The following SLC25A26 variants were observed in gnomAD, a reference collection of about 807,000 sequenced individuals.
SLC25A26 encodes the protein mitochondrial S-adenosylmethionine carrier protein.
In SLC25A26, 36 loss-of-function variants were observed where a neutral mutation model predicts 37.8. The observed-to-expected ratio is 0.95, with a 90% CI of 0.73 to 1.26. The LOEUF is 1.26. SLC25A26 is among the 50% of genes most tolerant of loss of function. SLC25A26 has a pLI of 0.00. For missense variants in SLC25A26, 390 were observed against 331.1 expected, an observed-to-expected ratio of 1.18 and a Z score of -1.38; for synonymous variants, 129 against 122.5, an observed-to-expected ratio of 1.05 and a Z score of -0.35.
At position 66,209,090 on chromosome 3, in the gene SLC25A26, G is replaced by GTA. The variant is rs1212142217; in HGVS notation, c.-353-11629_-353-11628dup. Among the ~76,000 whole-genome samples the GTA allele has an allele frequency of 1.5e-3, 70 of 46,364 alleles. 1 individual carries two copies. Among genetic ancestry groups the GTA allele is most frequent in the African/African-American group, 3.8e-3 (57 of 15,104 alleles). 30.4% of individuals were successfully genotyped at this position (46,364 alleles called of 152,430 possible). A position where few individuals can be genotyped will look rare whatever the true frequency, so the allele number is the denominator to read the frequency against. On this transcript the variant is annotated intron_variant, in intron 1 of 10. Coordinates refer to the SLC25A26 transcript ENST00000676754. ...TACACACACACACCCATATAAAGAT[G>GTA]TATATATATATATATATATATATAC...
chr3:66,377,892 T>C lies in SLC25A26; in HGVS notation c.*85T>C. The C allele has an allele frequency of 2.0e-6, 2 of 1,022,050 alleles. No individual in the cohort carries two copies. The highest frequency in any genetic ancestry group is 3.1e-6 in the Non-Finnish European group (2 of 655,250). 63.3% of individuals were successfully genotyped at this position (1,022,050 alleles called of 1,614,324 possible). ...TTCCGCTGAGCAGCTGTCTGAACTA[T>C]AGGCCCCAGTGCTGAAGACCAGTTG... On this transcript the variant is annotated 3_prime_UTR_variant, in exon 10 of 10. Coordinates refer to ENST00000354883, the MANE Select transcript of SLC25A26 (RefSeq NM_001379210.1).
At chr3:66,148,420 G>A (rs2070151256) in intron 1 of SLC25A26, among the ~76,000 whole-genome samples, 1 of 152,208 alleles carries the variant, frequency 6.6e-6, no homozygotes, top group Non-Finnish European at 1.5e-5. Context: ...CCTGGGGAAA[G>A]CTTGGGGCTG....
chr3:66,149,239 A>G (rs1193239572), intron 1 of SLC25A26, among the ~76,000 whole-genome samples: 1 of 152,078 alleles, frequency 6.6e-6, no homozygotes, highest in Non-Finnish European at 1.5e-5. Context: ...TTAAGTCTGG[A>G]GCTTTCAGGA....
chr3:66,263,335 AT>A lies in SLC25A26; in HGVS notation c.410del (p.Ile137ThrfsTer13). On this transcript the variant is annotated frameshift_variant, in exon 5 of 10. Transcript: ENST00000354883. LOFTEE classifies it high-confidence loss of function. ...CTCGGCTGTGTGTTTGTTTCAGGGT[AT>A]CCAAGGGTTGTATCGAGGCTATAAA... ...IFSNILYEEG[I>X]QGLYRGYKST... 1.9e-6 allele frequency: 3 copies of A among 1,612,010 alleles called. No homozygotes were observed. Among genetic ancestry groups the A allele is most frequent in the Non-Finnish European group, 2.5e-6 (3 of 1,178,636 alleles).
intron 5 of SLC25A26, among the ~76,000 whole-genome samples, chr3:66,316,146 A>G (rs1427877707): frequency 6.6e-6 from 1 of 152,086 alleles, no homozygotes; most frequent in African/African-American, 2.4e-5. Flanking sequence ...TGTGAATTTG[A>G]TTGTTTCATC....
At chr3:66,352,377 C>T (rs923838550) in intron 6 of SLC25A26, among the ~76,000 whole-genome samples, 4 of 151,852 alleles carry the variant, frequency 2.6e-5, no homozygotes, top group East Asian at 3.9e-4. Context: ...CCGCTGTGCC[C>T]GGCCACGTTG....
chr3:66,148,448 A>G (rs887847220), intron 1 of SLC25A26, among the ~76,000 whole-genome samples: 1 of 152,158 alleles, frequency 6.6e-6, no homozygotes, highest in Admixed American at 6.5e-5. Flanking sequence ...CATGGCGAGG[A>G]TGGAGGGCTG....
At chr3:66,278,922 A>C (rs1576780050) in intron 5 of SLC25A26, among the ~76,000 whole-genome samples, 1 of 152,134 alleles carries the variant, frequency 6.6e-6, no homozygotes, top group Admixed American at 6.5e-5. Context: ...AAAGTGGAGT[A>C]CCGGTGAACT....
chr3:66,307,884 G>A (rs1220495741), intron 5 of SLC25A26, among the ~76,000 whole-genome samples: 1 of 152,180 alleles, frequency 6.6e-6, no homozygotes, highest in Non-Finnish European at 1.5e-5. Flanking sequence ...CCAGTACCCT[G>A]CTGTTTAGGG....
At position 66,280,976 on chromosome 3, in the gene SLC25A26, G is replaced by A. The variant is rs1373236796; in HGVS notation, c.453+17597G>A. On this transcript the variant is annotated intron_variant, in intron 5 of 9. Transcript: ENST00000354883. ...CTAATATGTGGTCAATTTCCCTGAT[G>A]TCCCAGTGATAAAAGCCTTACAGCT... 2.0e-5 allele frequency among the ~76,000 whole-genome samples: 3 copies of A among 152,166 alleles called. No homozygotes were observed. The South Asian group carries it at 6.2e-4, about 32-fold the overall frequency.
chr3:66,335,009 T>C (rs566681345), intron 5 of SLC25A26, among the ~76,000 whole-genome samples: 9 of 152,266 alleles, frequency 5.9e-5, no homozygotes. Flanking sequence ...TTGGCTGATA[T>C]AAATGAACTG....
intron 2 of SLC25A26, among the ~76,000 whole-genome samples, chr3:66,237,435 C>T (rs1559601715): frequency 1.3e-5 from 2 of 152,190 alleles, no homozygotes; most frequent in African/African-American, 4.8e-5. Flanking sequence ...CAAGGTGACT[C>T]CGCTGTGAAG....
At chr3:66,182,221 A>T (rs1222675299) in intron 1 of SLC25A26, among the ~76,000 whole-genome samples, 2 of 152,130 alleles carry the variant, frequency 1.3e-5, no homozygotes, top group Non-Finnish European at 2.9e-5. Context: ...TGACAGCCTG[A>T]GGAAGTTTGT....
At chr3:66,210,802 CTGCGCCCG>C (rs1181555368) in intron 1 of SLC25A26, among the ~76,000 whole-genome samples, 17,590 of 152,184 alleles carry the variant, frequency 0.12, 1,118 homozygotes, top group East Asian at 0.28. Flanking sequence ...GCGCAAGCTA[CTGCGCCCG>C]GCCTCGACTC....
chr3:66,334,438 C>T lies in SLC25A26; in HGVS notation c.454-11926C>T, dbSNP rs1381231217. 3.3e-5 allele frequency among the ~76,000 whole-genome samples: 5 copies of T among 152,122 alleles called. No homozygotes were observed. The South Asian group carries it at 6.2e-4, about 19-fold the overall frequency. The stretch of plus-strand genomic sequence containing the variant: ...CCAGTGACTCTTGTGCCTCAGCCTC[C>T]CGAGTAGCTGGGATTACAGATGTGT... On this transcript the variant is annotated intron_variant, in intron 5 of 9. Transcript: ENST00000354883.
At chr3:66,278,834 A>C (rs1420968862) in intron 5 of SLC25A26, among the ~76,000 whole-genome samples, 1 of 152,166 alleles carries the variant, frequency 6.6e-6, no homozygotes, top group East Asian at 1.9e-4. Context: ...TTCATTGTAC[A>C]TTGTCAAGAG....
chr3:66,191,839 G>A (rs1264484291), intron 1 of SLC25A26, among the ~76,000 whole-genome samples: 1 of 151,296 alleles, frequency 6.6e-6, no homozygotes. Context: ...TGCGGTGAGC[G>A]GAGGTTGTGG....
intron 1 of SLC25A26, among the ~76,000 whole-genome samples, chr3:66,148,437 C>G (rs2070151559): frequency 6.6e-6 from 1 of 152,122 alleles, no homozygotes; most frequent in African/African-American, 2.4e-5. Context: ...GCTGACAGGA[C>G]CATGGCGAGG....
At position 66,154,072 on chromosome 3, in the gene SLC25A26, T is replaced by C. The variant is rs555895401; in HGVS notation, c.-354+20088T>C. Among the ~76,000 whole-genome samples, 16 of 152,318 alleles carry C rather than the reference T, an allele frequency of 1.1e-4. No homozygotes were observed. The East Asian group carries it at 2.9e-3, about 28-fold the overall frequency. On this transcript the variant is annotated intron_variant, in intron 1 of 10. Transcript: ENST00000676754. ...TCTGGTCTGAGCGTCTGGGAAGCTCTGTGACCAGGCTGTTTATCGTTTCAC... is the reference window on the plus strand; with the variant it reads ...TCTGGTCTGAGCGTCTGGGAAGCTCCGTGACCAGGCTGTTTATCGTTTCAC...
Sources: allele counts gnomAD v4.1 joint callset (sites outside exome capture counted in the v4.1 genomes callset), GRCh38; gene constraint gnomAD v4.1.1; transcripts MANE v1.5; gene names NCBI Gene and HGNC (gene_info 2026-07-23, HGNC 2026-07-21).